The following SHCBP1L variants were observed in gnomAD, a reference collection of about 807,000 sequenced individuals.
SHCBP1L encodes testicular spindle-associated protein SHCBP1L.
A neutral mutation model predicts 62.5 loss-of-function variants in SHCBP1L; 67 were observed. That is an observed-to-expected ratio of 1.07 (90% CI 0.88 to 1.31). SHCBP1L has a LOEUF of 1.31. Ranked by LOEUF, SHCBP1L falls within the 40% of genes most tolerant of loss-of-function variation. SHCBP1L has a pLI of 0.00. For missense variants in SHCBP1L, 823 were observed against 809.8 expected, an observed-to-expected ratio of 1.02 and a Z score of -0.20; for synonymous variants, 284 against 289.4, an observed-to-expected ratio of 0.98 and a Z score of 0.19.
chr1:182,905,503 A>G lies in SHCBP1L; in HGVS notation c.1329T>C (p.Ile443=). 1 of 1,613,682 alleles carries G rather than the reference A, an allele frequency of 6.2e-7. No individual in the cohort carries two copies. The highest frequency in any genetic ancestry group is 8.5e-7 in the Non-Finnish European group (1 of 1,179,780). Residue 443 remains isoleucine, a synonymous_variant, in exon 7 of 10, where the codon ATT becomes ATC. Transcript: ENST00000367547. ...ANLALLTDDI[I]IKGVGKREEI... The stretch of plus-strand genomic sequence containing the variant: ...AAAGGATGCCCTGCTAACCCTTTAT[A>G]ATGATGTCATCTGTCAACAAAGCAA...
In SHCBP1L at chr1:182,951,882, C is replaced by T. The variant is rs555247672; in HGVS notation, c.406-415G>A. On this transcript the variant is annotated intron_variant, in intron 1 of 9. Coordinates refer to ENST00000367547, the MANE Select transcript of SHCBP1L (RefSeq NM_030933.4). ...TAAAAGAAAGTCATGCCACCAGGCACGGTGGCTCATGCCTGTAATCCCAAC... is the reference window on the plus strand; with the variant it reads ...TAAAAGAAAGTCATGCCACCAGGCATGGTGGCTCATGCCTGTAATCCCAAC... 101 of 349,560 alleles carry T rather than the reference C, an allele frequency of 2.9e-4. 1 individual carries two copies. The highest frequency in any genetic ancestry group is 7.6e-4 in the East Asian group (6 of 7,888). 21.7% of individuals were successfully genotyped at this position (349,560 alleles called of 1,614,324 possible). A position where few individuals can be genotyped will look rare whatever the true frequency, so the allele number is the denominator to read the frequency against.
At chr1:182,928,249 T>C (rs1650849373) in intron 6 of SHCBP1L, among the ~76,000 whole-genome samples, 1 of 152,122 alleles carries the variant, frequency 6.6e-6, no homozygotes, top group African/African-American at 2.4e-5. Context: ...TAACCTCTCT[T>C]GTTACATACA....
intron 6 of SHCBP1L, among the ~76,000 whole-genome samples, chr1:182,909,343 C>T (rs1290493708): frequency 6.6e-6 from 1 of 152,008 alleles, no homozygotes; most frequent in Non-Finnish European, 1.5e-5. Context: ...AATTTGAGCA[C>T]AGGAATGGAT....
At chr1:182,948,015 T>G (rs1651618103) in intron 2 of SHCBP1L, among the ~76,000 whole-genome samples, 1 of 152,340 alleles carries the variant, frequency 6.6e-6, no homozygotes, top group African/African-American at 2.4e-5. Context: ...TTCTCTAGCT[T>G]ACTTTATTGT....
At chr1:182,942,664 A>T (rs978526108) in intron 2 of SHCBP1L, among the ~76,000 whole-genome samples, 5 of 152,250 alleles carry the variant, frequency 3.3e-5, no homozygotes, top group East Asian at 3.8e-4. Context: ...ATAGTTTTTT[A>T]AAAATTTAAT....
rs75121758 is a variant in SHCBP1L, at chr1:182,933,578, G to A, written c.1077-3826C>T. ...TGTTAATTTGTCATATGATTTTTCTGTGTCTATTGAGATGACTGTGTGTCT... is the reference window on the plus strand; with the variant it reads ...TGTTAATTTGTCATATGATTTTTCTATGTCTATTGAGATGACTGTGTGTCT... On this transcript the variant is annotated intron_variant, in intron 5 of 9. Transcript: ENST00000367547. Among the ~76,000 whole-genome samples, 7 of 152,120 alleles carry A rather than the reference G, an allele frequency of 4.6e-5. No homozygotes were observed. In the East Asian group the frequency reaches 1.4e-3, roughly 29 times the overall value.
rs1164377476 is a variant in SHCBP1L, at chr1:182,931,943, ATTTTTTTT to A, written c.1077-2199_1077-2192del. 1.8e-3 allele frequency among the ~76,000 whole-genome samples: 123 copies of A among 69,680 alleles called. 1 individual carries two copies. The highest frequency in any genetic ancestry group is 1.7e-3 in the Non-Finnish European group (64 of 38,756). The allele number at this position is 69,680 out of a possible 152,430, so 45.7% of individuals were successfully genotyped here. Reference sequence around the variant, plus strand: ...CTCCCTTAATACTTGGGAACCACTGATTTTTTTTTTTTTTTTTTTTTTTTTTTTTTACT... The same window carrying A: ...CTCCCTTAATACTTGGGAACCACTGATTTTTTTTTTTTTTTTTTTTTTACT... On this transcript the variant is annotated intron_variant, in intron 5 of 9. Coordinates refer to ENST00000367547, the MANE Select transcript of SHCBP1L (RefSeq NM_030933.4).
Position 182,904,276 on chromosome 1 carries a change from AG to A in SHCBP1L, c.1490del (p.Thr497IlefsTer2), listed in dbSNP as rs1557988553. ...CACATTTTAATATGCAGTTTTCTAG[AG>A]TCATGTGACCAGACTCCACCACCAC... is the stretch of plus-strand genomic sequence containing the variant. ...GIVVVESGHM[T>X]LENCILKCEG... On this transcript the variant is annotated frameshift_variant, in exon 8 of 10. Coordinates refer to ENST00000367547, the MANE Select transcript of SHCBP1L (RefSeq NM_030933.4). LOFTEE classifies it high-confidence loss of function. The A allele has an allele frequency of 6.2e-7, 1 of 1,614,166 alleles. No individual in the cohort carries two copies. The highest frequency in any genetic ancestry group is 1.1e-5 in the South Asian group (1 of 91,080).
intron 5 of SHCBP1L, among the ~76,000 whole-genome samples, chr1:182,930,216 A>T (rs1650916652): frequency 6.6e-6 from 1 of 152,176 alleles, no homozygotes; most frequent in Non-Finnish European, 1.5e-5. Context: ...TCCATAAAAT[A>T]GTTGGCTGTT....
intron 2 of SHCBP1L, 92 bp downstream of exon 2, chr1:182,951,225 CT>C (rs1450408910): frequency 9.8e-7 from 1 of 1,017,436 alleles, no homozygotes; most frequent in Non-Finnish European, 1.4e-6. Context: ...AATGTGTCAA[CT>C]CTTGTGTATC....
rs764660226 is a variant in SHCBP1L, at chr1:182,905,612, T to A, written c.1220A>T (p.His407Leu). The change falls in exon 7 of 10, where the codon CAT becomes CTT. Residue 407 changes from histidine to leucine, a missense_variant. By Grantham distance (99) the His-to-Leu change is moderately conservative. Transcript: ENST00000367547. ...DLSSDTLLQQ[H>L]GDLDLALDNC... ...ATCCAAAGCCAAATCCAAATCACCA[T>A]GCTGTTGGAGAAGTGTGTCTGAAGA... The A allele has an allele frequency of 1.2e-6, 2 of 1,613,614 alleles. No homozygotes were observed. Among genetic ancestry groups the A allele is most frequent in the Admixed American group, 3.3e-5 (2 of 59,978 alleles).
At chr1:182,906,268 A>G (rs1163239418) in intron 6 of SHCBP1L, among the ~76,000 whole-genome samples, 1 of 151,554 alleles carries the variant, frequency 6.6e-6, no homozygotes, top group Non-Finnish European at 1.5e-5. Context: ...TATAAGGTTA[A>G]GGAAATTGAA....
intron 2 of SHCBP1L, chr1:182,942,489 C>T: frequency 1.6e-6 from 1 of 637,030 alleles, no homozygotes; most frequent in Admixed American, 2.5e-5. Context: ...TGGCCGCTGC[C>T]ACTCCTCCCG....
At chr1:182,918,215 TATATATACACATATATATATAC>T (rs1372454277) in intron 6 of SHCBP1L, among the ~76,000 whole-genome samples, 8 of 147,748 alleles carry the variant, frequency 5.4e-5, no homozygotes, top group African/African-American at 2.0e-4. Flanking sequence ...TATATACACA[TATATATACACATATATATATAC>T]ATATATATAC....
At chr1:182,925,724 G>A (rs1277109538) in intron 6 of SHCBP1L, among the ~76,000 whole-genome samples, 3 of 151,968 alleles carry the variant, frequency 2.0e-5, no homozygotes, top group East Asian at 1.9e-4. Flanking sequence ...CCAAAGAATC[G>A]AAAACAAGTA....
intron 5 of SHCBP1L, among the ~76,000 whole-genome samples, chr1:182,931,943 ATTTTTTTTT>A (rs1164377476): frequency 2.4e-3 from 170 of 69,678 alleles, no homozygotes; most frequent in African/African-American, 9.3e-3. Context: ...GGAACCACTG[ATTTTTTTTT>A]TTTTTTTTTT....
chr1:182,910,643 C>G (rs529739873), intron 6 of SHCBP1L, among the ~76,000 whole-genome samples: 97 of 152,230 alleles, frequency 6.4e-4, no homozygotes, highest in Admixed American at 1.2e-3. Flanking sequence ...TCCCATATAC[C>G]AGGAAATCAG....
chr1:182,902,228 T>C (rs935536256), intron 9 of SHCBP1L, among the ~76,000 whole-genome samples: 1 of 151,932 alleles, frequency 6.6e-6, no homozygotes, highest in Non-Finnish European at 1.5e-5. Flanking sequence ...TTTTTTTGTA[T>C]TTTTAGTAGA....
intron 9 of SHCBP1L, among the ~76,000 whole-genome samples, chr1:182,902,136 A>G (rs538755345): frequency 7.1e-6 from 1 of 140,074 alleles, no homozygotes; most frequent in East Asian, 2.1e-4. Context: ...TGCAACGTCC[A>G]CCTCTCGAGT....
Sources: allele counts gnomAD v4.1 joint callset (sites outside exome capture counted in the v4.1 genomes callset), GRCh38; gene constraint gnomAD v4.1.1; transcripts MANE v1.5; gene names NCBI Gene and HGNC (gene_info 2026-07-23, HGNC 2026-07-21).